Variants in NEIL1 observed in about 807,000 individuals in gnomAD.
NEIL1 encodes nei like DNA glycosylase 1.
A neutral mutation model predicts 44.2 loss-of-function variants in NEIL1; 31 were observed. The observed-to-expected ratio is 0.70, with a 90% CI of 0.53 to 0.95. NEIL1 has a LOEUF of 0.95. NEIL1 is among the 40% of genes least tolerant of loss of function. The probability of loss-of-function intolerance (pLI) is 0.00; values close to 1 mark genes in which losing one functional copy is unlikely to be tolerated. For missense variants in NEIL1, 549 were observed against 515.5 expected, an observed-to-expected ratio of 1.07 and a Z score of -0.63; for synonymous variants, 254 against 209.7, an observed-to-expected ratio of 1.21 and a Z score of -1.83.
At chr15:75,349,836 T>G in intron 2 of NEIL1, 1 of 161,220 alleles carries the variant, frequency 6.2e-6, no homozygotes, top group East Asian at 1.8e-4. Context: ...TAATAATAAC[T>G]GATGGGGGAG....
chr15:75,349,479 T>C lies in NEIL1; in HGVS notation c.434+140T>C. 4.9e-6 allele frequency: 4 copies of C among 820,662 alleles called. No homozygotes were observed. In the South Asian group the frequency reaches 7.4e-5, roughly 15 times the overall value. The allele number at this position is 820,662 out of a possible 1,614,324, so 50.8% of individuals were successfully genotyped here. ...CATCTGCAGATCAAGACAGTATACC[T>C]GTCCTGGGTCAGCTCCCTGAGCCAG... On this transcript the variant is annotated intron_variant, in intron 2 of 9. Transcript: ENST00000355059.
In NEIL1 at chr15:75,352,092, C is replaced by T. The variant is rs1358130912; in HGVS notation, c.435-19C>T. ...GAGGGTGGGGATGGGTCTTACGCAC[C>T]CAGACCGTGTTCCTCCAGGGAGAAT... is the stretch of plus-strand genomic sequence containing the variant. On this transcript the variant is annotated intron_variant, in intron 2 of 9. Coordinates refer to ENST00000355059, the MANE Select transcript of NEIL1 (RefSeq NM_024608.4). 2.5e-6 allele frequency: 4 copies of T among 1,613,762 alleles called. No individual in the cohort carries two copies. Among genetic ancestry groups the T allele is most frequent in the South Asian group, 2.2e-5 (2 of 91,022 alleles).
intron 2 of NEIL1, chr15:75,349,834 AC>A (rs1418056594): frequency 6.2e-6 from 1 of 161,572 alleles, no homozygotes; most frequent in African/African-American, 2.4e-5. Context: ...GATAATAATA[AC>A]TGATGGGGGA....
Position 75,354,490 on chromosome 15 carries a change from G to A in NEIL1, c.934G>A (p.Glu312Lys). Reference protein sequence around the residue: ...ATQLSPEDRVEDALPPSKAPS... With the variant: ...ATQLSPEDRVKDALPPSKAPS... ...ACAGCTGAGTCCTGAGGACAGAGTG[G>A]AGGTATGGCTGCCTGCTCCCGCCTC... is the stretch of plus-strand genomic sequence containing the variant. The change falls in exon 8 of 10, where the codon GAG (glutamate) becomes AAG (lysine). Residue 312 changes from glutamate (E) to lysine (K), a missense_variant and splice_region_variant. Glu to Lys is a moderately conservative substitution (Grantham distance 56). Transcript: ENST00000355059. 1.9e-6 allele frequency: 3 copies of A among 1,614,174 alleles called. No individual in the cohort carries two copies. Among genetic ancestry groups the A allele is most frequent in the Non-Finnish European group, 2.5e-6 (3 of 1,180,008 alleles).
In NEIL1 at chr15:75,355,138, C is replaced by T. The variant is rs2072253422; in HGVS notation, c.*104C>T. 5 of 893,308 alleles carry T rather than the reference C, an allele frequency of 5.6e-6. No individual in the cohort carries two copies. The highest frequency in any genetic ancestry group is 8.8e-6 in the Non-Finnish European group (5 of 569,410). The allele number at this position is 893,308 out of a possible 1,614,324, so 55.3% of individuals were successfully genotyped here. A position where few individuals can be genotyped will look rare whatever the true frequency, so the allele number is the denominator to read the frequency against. Reference sequence around the variant, plus strand: ...GCAATATCTGAAGGTGCAAACAGGCCCTACGGCTGTTCCCTGCACAACTCT... The same window carrying T: ...GCAATATCTGAAGGTGCAAACAGGCTCTACGGCTGTTCCCTGCACAACTCT... On this transcript the variant is annotated 3_prime_UTR_variant, in exon 10 of 10. Coordinates refer to ENST00000355059, the MANE Select transcript of NEIL1 (RefSeq NM_024608.4).
chr15:75,356,833 A>T lies in NEIL1; in HGVS notation c.*1799A>T, dbSNP rs2072327352. 1 of 1,613,960 alleles carries T rather than the reference A, an allele frequency of 6.2e-7. No homozygotes were observed. Among genetic ancestry groups the T allele is most frequent in the South Asian group, 1.1e-5 (1 of 91,094 alleles). The stretch of plus-strand genomic sequence containing the variant: ...ATGCTGCCTCGCACTGACGCGCCAT[A>T]CTTGCAGTCGTTGAGCAGGGCCAGC... On this transcript the variant is annotated 3_prime_UTR_variant, in exon 10 of 10. Transcript: ENST00000355059. The surrounding 1 kb of genome is among the most constrained non-coding windows in gnomAD (Gnocchi z 5.8).
At chr15:75,348,835 C>A in intron 1 of NEIL1, 49 bp from the exon 2 acceptor site, 1 of 1,564,984 alleles carries the variant, frequency 6.4e-7, no homozygotes. Flanking sequence ...ACAGCCGCTA[C>A]CTCACAAAGT....
chr15:75,354,217 G>A lies in NEIL1; in HGVS notation c.847-33G>A, dbSNP rs2072164899. ...GAATACCGCCCCTGTGCCAACCCAG[G>A]CTGATTCCTGAATTATCCCCATCCC... On this transcript the variant is annotated intron_variant, in intron 6 of 9. Coordinates refer to ENST00000355059, the MANE Select transcript of NEIL1 (RefSeq NM_024608.4). 6.2e-6 allele frequency: 10 copies of A among 1,613,636 alleles called. No homozygotes were observed. The East Asian group carries it at 2.2e-4, about 36-fold the overall frequency.
In NEIL1 at chr15:75,356,944, C is replaced by T. The variant is rs553998426; in HGVS notation, c.*1910C>T. On this transcript the variant is annotated 3_prime_UTR_variant, in exon 10 of 10. Transcript: ENST00000355059. The surrounding 1 kb of genome is among the most constrained non-coding windows in gnomAD (Gnocchi z 5.8). ...AGACCCACTTGGTGGCCCTGTGCCC[C>T]TCTTTGTGCTCCCAGACTCCAGAGC... The T allele has an allele frequency of 1.3e-6, 2 of 1,525,822 alleles. No homozygotes were observed. The highest frequency in any genetic ancestry group is 1.4e-5 in the African/African-American group (1 of 73,356). The allele number at this position is 1,525,822 out of a possible 1,614,324, so 94.5% of individuals were successfully genotyped here.
In NEIL1 at chr15:75,355,712, C is replaced by T; in HGVS notation, c.*678C>T. 1 of 624,766 alleles carries T rather than the reference C, an allele frequency of 1.6e-6. No individual in the cohort carries two copies. The highest frequency in any genetic ancestry group is 2.0e-5 in the South Asian group (1 of 49,936). The allele number at this position is 624,766 out of a possible 1,614,324, so 38.7% of individuals were successfully genotyped here. A position where few individuals can be genotyped will look rare whatever the true frequency, so the allele number is the denominator to read the frequency against. On this transcript the variant is annotated 3_prime_UTR_variant, in exon 10 of 10. Coordinates refer to ENST00000355059, the MANE Select transcript of NEIL1 (RefSeq NM_024608.4). The stretch of plus-strand genomic sequence containing the variant: ...GGATCTTGCCCCTACCCACCAAATA[C>T]CTGGGAAGCCATCCCACCCCAGACT...
chr15:75,354,923 C>A (rs758198044), intron 9 of NEIL1, 41 bp from the exon 10 acceptor site: 2 of 1,612,114 alleles, frequency 1.2e-6, no homozygotes, highest in African/African-American at 1.3e-5. Context: ...CATGGCAGCC[C>A]CTGGAGTCTT....
intron 1 of NEIL1, 140 bp from the exon 2 acceptor site, chr15:75,348,744 G>A: frequency 6.9e-7 from 1 of 1,445,608 alleles, no homozygotes; most frequent in Non-Finnish European, 9.1e-7. Context: ...GAGGGCCGTG[G>A]CCAGGCCCGC....
intron 1 of NEIL1, chr15:75,347,943 C>T (rs757419213): frequency 4.8e-6 from 6 of 1,249,464 alleles, no homozygotes; most frequent in South Asian, 1.3e-5. Context: ...TCGCTAAGTG[C>T]CCCCTTCCAC....
rs1595861980 is a variant in NEIL1 at position 75,352,306 on chromosome 15, G to C, written c.555-18G>C. ...CATTCCCCACTGCCTAGCATGGCTT[G>C]CCTTGCCCCCACTACAGGCTGAAGA... On this transcript the variant is annotated intron_variant, in intron 3 of 9. Coordinates refer to ENST00000355059, the MANE Select transcript of NEIL1 (RefSeq NM_024608.4). 6.2e-7 allele frequency: 1 copy of C among 1,614,136 alleles called. No individual in the cohort carries two copies.
chr15:75,347,320 T>G lies in NEIL1; in HGVS notation c.-176T>G, dbSNP rs1324123676. 6.6e-6 allele frequency: 1 copy of G among 152,336 alleles called. No homozygotes were observed. Among genetic ancestry groups the G allele is most frequent in the Non-Finnish European group, 1.5e-5 (1 of 68,074 alleles). The allele number at this position is 152,336 out of a possible 1,614,324, so 9.4% of individuals were successfully genotyped here. A position where few individuals can be genotyped will look rare whatever the true frequency, so the allele number is the denominator to read the frequency against. Reference sequence around the variant, plus strand: ...CGACTCCGCTCTGGCTCGTCGCTGCTGTTTCCTGCTGGGGGTGCCGACCCT... The same window carrying G: ...CGACTCCGCTCTGGCTCGTCGCTGCGGTTTCCTGCTGGGGGTGCCGACCCT... On this transcript the variant is annotated 5_prime_UTR_variant, in exon 1 of 10. Coordinates refer to ENST00000355059, the MANE Select transcript of NEIL1 (RefSeq NM_024608.4).
chr15:75,352,428 G>C, intron 4 of NEIL1, 41 bp downstream of exon 4: 1 of 1,609,200 alleles, frequency 6.2e-7, no homozygotes, highest in South Asian at 1.1e-5. Flanking sequence ...CTGGCACACT[G>C]GTGTCCACAT....
intron 1 of NEIL1, chr15:75,348,239 G>T (rs900949989): frequency 1.3e-5 from 11 of 856,152 alleles, no homozygotes; most frequent in Non-Finnish European, 1.5e-5. Context: ...TGTCCGGTCC[G>T]TGGGGCAGGC....
chr15:75,352,828 A>G, intron 5 of NEIL1, 127 bp downstream of exon 5: 1 of 739,746 alleles, frequency 1.4e-6, no homozygotes, highest in African/African-American at 1.7e-5. Flanking sequence ...TCAATGGACT[A>G]GGCCTCCTCA....
Position 75,355,062 on chromosome 15 carries a change from CCTTT to C in NEIL1, c.*32_*35del, listed in dbSNP as rs1188603403. 6.2e-7 allele frequency: 1 copy of C among 1,603,728 alleles called. No individual in the cohort carries two copies. The highest frequency in any genetic ancestry group is 1.3e-5 in the African/African-American group (1 of 74,602). On this transcript the variant is annotated 3_prime_UTR_variant, in exon 10 of 10. Coordinates refer to ENST00000355059, the MANE Select transcript of NEIL1 (RefSeq NM_024608.4). ...GGAGGCTCTCCTTGCTTGCACTCAC[CCTTT>C]CTTATTGTCTTGCCCTGCATCTGGG... is the stretch of plus-strand genomic sequence containing the variant.
Sources: allele counts gnomAD v4.1 joint callset, GRCh38; gene constraint gnomAD v4.1.1; non-coding constraint Gnocchi (gnomAD v3.1); transcripts MANE v1.5; gene names NCBI Gene and HGNC (gene_info 2026-07-23, HGNC 2026-07-21).